The following M1AP variants were observed in gnomAD, a reference collection of about 807,000 sequenced individuals.
M1AP encodes the protein meiosis 1 arrest protein.
Under a neutral mutation model 51.2 loss-of-function variants are expected in M1AP, and 39 were observed. The ratio of observed to expected loss-of-function variants is 0.76; its 90% CI spans 0.59 to 1.00. The LOEUF (loss-of-function observed/expected upper bound fraction) is 1.00. Ranked by LOEUF, M1AP falls within the 50% of genes least tolerant of loss-of-function variation. The pLI is 0.00. For missense variants in M1AP, 545 were observed against 641.2 expected (o/e 0.85, Z 1.62); for synonymous variants, 251 against 249.2 (o/e 1.01, Z -0.07).
intron 2 of M1AP, among the ~76,000 whole-genome samples, chr2:74,617,389 T>C (rs1681729476): frequency 1.3e-5 from 2 of 152,234 alleles, no homozygotes; most frequent in Admixed American, 1.3e-4. Context: ...CATATTACTA[T>C]GGATTTAACA....
intron 4 of M1AP, among the ~76,000 whole-genome samples, chr2:74,602,364 C>T (rs1680725767): frequency 6.6e-6 from 1 of 152,096 alleles, no homozygotes. Flanking sequence ...CCATTAAAAA[C>T]AAATCTCAGA....
rs1192832414 is a variant in M1AP, at chr2:74,628,556, C to T, written c.240+11480G>A. 1.5e-5 allele frequency: 8 copies of T among 533,412 alleles called. No individual in the cohort carries two copies. The Admixed American group carries it at 1.6e-4, about 11-fold the overall frequency. 33.0% of individuals were successfully genotyped at this position (533,412 alleles called of 1,614,324 possible). ...AAAGCACTGCACAGACTGTAAGTCC[C>T]AATCAAAAGATTCTTGATTCAGCTT... is the stretch of plus-strand genomic sequence containing the variant. On this transcript the variant is annotated intron_variant, in intron 2 of 10. Transcript: ENST00000421985.
At chr2:74,588,967 A>G (rs1679878617) in intron 4 of M1AP, among the ~76,000 whole-genome samples, 1 of 152,256 alleles carries the variant, frequency 6.6e-6, no homozygotes, top group African/African-American at 2.4e-5. Flanking sequence ...CGTGGCTTAC[A>G]TTCTAGTGAG....
At chr2:74,576,714 T>C (rs550638946) in intron 5 of M1AP, 96 bp from the exon 6 acceptor site, 4 of 1,388,962 alleles carry the variant, frequency 2.9e-6, no homozygotes, top group Non-Finnish European at 3.0e-6. Context: ...AGAGACAACA[T>C]CTGCTACCCA....
intron 4 of M1AP, among the ~76,000 whole-genome samples, chr2:74,599,648 G>T (rs1490268427): frequency 6.6e-6 from 1 of 151,964 alleles, no homozygotes; most frequent in Non-Finnish European, 1.5e-5. Context: ...ATCTTAATTA[G>T]AATAGCTTTA....
intron 2 of M1AP, among the ~76,000 whole-genome samples, chr2:74,629,615 G>A (rs1016061479): frequency 2.6e-5 from 4 of 152,034 alleles, no homozygotes; most frequent in Non-Finnish European, 4.4e-5. Context: ...AGCTGGGTGC[G>A]GTGGCGGGCA....
chr2:74,611,399 T>C (rs1008093903), intron 3 of M1AP, among the ~76,000 whole-genome samples: 18 of 152,238 alleles, frequency 1.2e-4, no homozygotes, highest in African/African-American at 4.1e-4. Context: ...CATGATTCAA[T>C]CTTAGCAGAT....
At chr2:74,588,874 AT>A (rs1233846970) in intron 4 of M1AP, among the ~76,000 whole-genome samples, 5 of 152,244 alleles carry the variant, frequency 3.3e-5, no homozygotes, top group Non-Finnish European at 2.9e-5. Context: ...TTATTTAGTC[AT>A]TCAAGCACTT....
At chr2:74,624,068 T>C (rs557186359) in intron 2 of M1AP, among the ~76,000 whole-genome samples, 1 of 152,362 alleles carries the variant, frequency 6.6e-6, no homozygotes, top group South Asian at 2.1e-4. Flanking sequence ...CTGTGTATCA[T>C]CTATCTATAG....
chr2:74,647,759 T>A (rs896968125), intron 1 of M1AP, among the ~76,000 whole-genome samples: 10 of 152,148 alleles, frequency 6.6e-5, no homozygotes, highest in Non-Finnish European at 1.5e-4. Flanking sequence ...CCAGGCGTGG[T>A]GGCGGGAGCC....
intron 4 of M1AP, among the ~76,000 whole-genome samples, chr2:74,603,243 C>T (rs1680774901): frequency 6.6e-6 from 1 of 152,178 alleles, no homozygotes; most frequent in Non-Finnish European, 1.5e-5. Context: ...CATTGATTCA[C>T]TCAACAAATA....
intron 4 of M1AP, among the ~76,000 whole-genome samples, chr2:74,587,240 C>T (rs1236963679): frequency 6.6e-6 from 1 of 151,766 alleles, no homozygotes; most frequent in Non-Finnish European, 1.5e-5. Flanking sequence ...GCTCTGTCCC[C>T]CAGGCTGGAG....
rs1399644745 is a variant in M1AP at position 74,562,290 on chromosome 2, C to T, written c.1208G>A (p.Arg403Gln). 4 of 1,614,172 alleles carry T rather than the reference C, an allele frequency of 2.5e-6. No individual in the cohort carries two copies. In the Admixed American group the frequency reaches 5.0e-5, roughly 20 times the overall value. Residue 403 changes from arginine to glutamine, a missense_variant, in exon 8 of 11, where the codon CGG becomes CAG. Arg to Gln is a conservative substitution (Grantham distance 43). Transcript: ENST00000421985. ...LTLLVKAVAT[R>Q]ELMLPSTFPL... ...GAAGGTGCTGGGCAGCATCAGTTCC[C>T]GCGTGGCCACCGCCTTTACCAGCAG...
At chr2:74,631,995 T>C (rs951430238) in intron 2 of M1AP, among the ~76,000 whole-genome samples, 1 of 152,238 alleles carries the variant, frequency 6.6e-6, no homozygotes. Context: ...GGTCATGTTT[T>C]TCCGTAAGCA....
At chr2:74,575,192 T>C in intron 7 of M1AP, 6 of 685,256 alleles carry the variant, frequency 8.8e-6, no homozygotes, top group Non-Finnish European at 1.1e-5. Context: ...CATTTAAATG[T>C]TAAGCTTGCC....
chr2:74,573,984 G>C (rs1335215000), intron 7 of M1AP, among the ~76,000 whole-genome samples: 2 of 152,180 alleles, frequency 1.3e-5, no homozygotes, highest in African/African-American at 4.8e-5. Flanking sequence ...GAGCTGTTGG[G>C]CACTAACAGT....
At chr2:74,622,575 G>A (rs1366623017) in intron 2 of M1AP, among the ~76,000 whole-genome samples, 4 of 133,416 alleles carry the variant, frequency 3.0e-5, no homozygotes, top group African/African-American at 6.5e-5. Flanking sequence ...TATTTTTAAA[G>A]GTGGCTAATA....
chr2:74,612,737 T>C (rs1039962727), intron 3 of M1AP, among the ~76,000 whole-genome samples: 7 of 152,208 alleles, frequency 4.6e-5, no homozygotes, highest in Non-Finnish European at 7.3e-5. Flanking sequence ...ATTTTAAACT[T>C]CATTTTTAAT....
intron 3 of M1AP, among the ~76,000 whole-genome samples, chr2:74,607,986 A>T (rs1306167930): frequency 3.9e-5 from 6 of 152,212 alleles, no homozygotes; most frequent in Non-Finnish European, 2.9e-5. Flanking sequence ...GTACAGAGAT[A>T]GCCCATATAC....
Sources: allele counts gnomAD v4.1 joint callset (sites outside exome capture counted in the v4.1 genomes callset), GRCh38; gene constraint gnomAD v4.1.1; transcripts MANE v1.5; gene names NCBI Gene and HGNC (gene_info 2026-07-23, HGNC 2026-07-21).